Variants in GPC3 observed in about 807,000 individuals in gnomAD.
GPC3 encodes glypican-3.
A neutral mutation model predicts 34.4 loss-of-function variants in GPC3; 3 were observed. The observed-to-expected ratio is 0.09, with a 90% confidence interval of 0.04 to 0.23. The LOEUF is 0.23. Ranked by LOEUF, GPC3 falls within the 10% of genes least tolerant of loss-of-function variation. The probability of loss-of-function intolerance (pLI) is 1.00; values close to 1 mark genes in which losing one functional copy is unlikely to be tolerated. For synonymous variants in GPC3, 177 were observed against 174.0 expected (o/e 1.02, Z -0.13); for missense variants, 351 against 445.6 (o/e 0.79, Z 1.91).
In GPC3 at chrX:133,557,151, G is replaced by A. The variant is rs1315862946; in HGVS notation, c.1574-20858C>T. Among the ~76,000 whole-genome samples, 8 of 108,726 alleles carry A rather than the reference G, an allele frequency of 7.4e-5. 1 individual carries two copies. The South Asian group carries it at 2.1e-3, about 28-fold the overall frequency. 94.4% of individuals were successfully genotyped at this position (108,726 alleles called of 115,157 possible). On this transcript the variant is annotated intron_variant, in intron 7 of 7. Coordinates refer to ENST00000370818, the MANE Select transcript of GPC3 (RefSeq NM_004484.4). ...TACTAAAAATACAAAAAAATTAGCC[G>A]GGCATGGTGGCGGGCGCCTGTAGTC... is the stretch of plus-strand genomic sequence containing the variant.
intron 6 of GPC3, among the ~76,000 whole-genome samples, chrX:133,609,347 CTTG>C (rs746437867): frequency 2.7e-5 from 3 of 112,157 alleles, no homozygotes; most frequent in Non-Finnish European, 3.8e-5. Flanking sequence ...TAAGTACTTC[CTTG>C]TTGTAGTGTA....
At chrX:133,929,841 C>G (rs1341745131) in intron 2 of GPC3, among the ~76,000 whole-genome samples, 1 of 111,764 alleles carries the variant, frequency 8.9e-6, no homozygotes. Context: ...ACAATAAAAA[C>G]CTTGGCACAC....
chrX:133,731,437 C>T (rs1164331167), intron 3 of GPC3, among the ~76,000 whole-genome samples: 4 of 112,172 alleles, frequency 3.6e-5, no homozygotes, highest in African/African-American at 1.3e-4. Context: ...AGATTTTTTT[C>T]TTTGATCATA....
intron 2 of GPC3, among the ~76,000 whole-genome samples, chrX:133,816,864 T>C (rs895413390): frequency 3.6e-5 from 4 of 111,863 alleles, no homozygotes; most frequent in African/African-American, 9.8e-5. Context: ...TGGGGCATCA[T>C]TGACCCTCTG....
intron 2 of GPC3, among the ~76,000 whole-genome samples, chrX:133,808,019 T>A (rs1281873318): frequency 8.9e-6 from 1 of 112,339 alleles, no homozygotes; most frequent in African/African-American, 3.2e-5. Context: ...CTTCCCTGCC[T>A]CCCATGCATT....
At chrX:133,935,816 T>C (rs1357290634) in intron 2 of GPC3, among the ~76,000 whole-genome samples, 2 of 111,460 alleles carry the variant, frequency 1.8e-5, no homozygotes, top group African/African-American at 6.5e-5. Flanking sequence ...TGTTATACTA[T>C]GTCAGACCTA....
intron 6 of GPC3, among the ~76,000 whole-genome samples, chrX:133,630,968 C>T (rs1180951898): frequency 8.9e-6 from 1 of 111,929 alleles, no homozygotes; most frequent in Non-Finnish European, 1.9e-5. Flanking sequence ...TACACTGTAT[C>T]TCCTCATGCA....
At chrX:133,660,127 T>A (rs1304285641) in intron 6 of GPC3, among the ~76,000 whole-genome samples, 1 of 111,442 alleles carries the variant, frequency 9.0e-6, no homozygotes, top group Non-Finnish European at 1.9e-5. Context: ...ACCAGAGGAG[T>A]TTATACCCAA....
At chrX:133,639,711 T>A (rs2070463140) in intron 6 of GPC3, among the ~76,000 whole-genome samples, 1 of 111,803 alleles carries the variant, frequency 8.9e-6, no homozygotes, top group Non-Finnish European at 1.9e-5. Context: ...AATCACTGAC[T>A]TACCTCCAAA....
intron 2 of GPC3, among the ~76,000 whole-genome samples, chrX:133,851,621 C>G (rs2075874068): frequency 1.8e-5 from 2 of 112,031 alleles, no homozygotes; most frequent in African/African-American, 6.5e-5. Context: ...TTTCCAATGG[C>G]ATTAGTATAA....
intron 7 of GPC3, among the ~76,000 whole-genome samples, chrX:133,536,664 T>A (rs1359092464): frequency 1.8e-5 from 2 of 110,682 alleles, no homozygotes; most frequent in Non-Finnish European, 3.8e-5. Flanking sequence ...TCACCAGATC[T>A]TATGGGTATC....
chrX:133,977,789 C>T (rs780194483), intron 1 of GPC3, among the ~76,000 whole-genome samples: 1 of 112,061 alleles, frequency 8.9e-6, no homozygotes, highest in East Asian at 2.8e-4. Flanking sequence ...TTCCCATCAA[C>T]TTTCAATTAG....
intron 2 of GPC3, among the ~76,000 whole-genome samples, chrX:133,868,636 G>C (rs1271643488): frequency 8.9e-6 from 1 of 111,899 alleles, no homozygotes; most frequent in Non-Finnish European, 1.9e-5. Flanking sequence ...TACAGGTAAA[G>C]TCTAGAGCAA....
chrX:133,807,519 G>A (rs1325800905), intron 2 of GPC3, among the ~76,000 whole-genome samples: 1 of 112,111 alleles, frequency 8.9e-6, no homozygotes. Context: ...TGAATCACAG[G>A]CATAAGACAA....
intron 3 of GPC3, among the ~76,000 whole-genome samples, chrX:133,709,402 T>A (rs1290387785): frequency 1.8e-5 from 2 of 111,513 alleles, no homozygotes; most frequent in African/African-American, 6.5e-5. Context: ...GGTGGGAATT[T>A]CAGTTTTTCA....
chrX:133,593,353 G>A (rs563179683), intron 7 of GPC3, among the ~76,000 whole-genome samples: 186 of 57,632 alleles, frequency 3.2e-3, no homozygotes, highest in Middle Eastern at 0.019. Context: ...AAAAAAAAAA[G>A]TAAAAAAAAA....
intron 2 of GPC3, among the ~76,000 whole-genome samples, chrX:133,786,140 C>A (rs905522624): frequency 3.6e-5 from 4 of 112,483 alleles, no homozygotes; most frequent in Non-Finnish European, 7.5e-5. Context: ...CGCCTGTAAT[C>A]CCAACACTTT....
intron 2 of GPC3, among the ~76,000 whole-genome samples, chrX:133,947,999 T>C (rs1489486066): frequency 9.0e-6 from 1 of 110,791 alleles, no homozygotes; most frequent in African/African-American, 3.3e-5. Context: ...GAGTTGGGGA[T>C]GCAATGGGGC....
chrX:133,669,039 C>A lies in GPC3; in HGVS notation c.1293-7189G>T, dbSNP rs2267503. On this transcript the variant is annotated intron_variant, in intron 5 of 7. Coordinates refer to ENST00000370818, the MANE Select transcript of GPC3 (RefSeq NM_004484.4). ...GATTCTTGGACTTGCCCTTTAAGAG[C>A]CCCTGGAGAGAGCCCTGTGTATAGG... Among the ~76,000 whole-genome samples the A allele has an allele frequency of 2.2e-3, 249 of 111,644 alleles. 6 individuals carry two copies. The East Asian group carries it at 0.067, about 30-fold the overall frequency.
Sources: gnomAD v4.1 joint callset for allele counts (sites outside exome capture counted in the v4.1 genomes callset) on GRCh38, gnomAD v4.1.1 for gene constraint, MANE v1.5 for transcripts, NCBI Gene and HGNC (gene_info 2026-07-23, HGNC 2026-07-21) for gene names.